The following LGSN variants were observed in gnomAD, a reference collection of about 807,000 sequenced individuals.
The protein encoded by LGSN is lengsin, lens protein with glutamine synthetase domain.
Under a neutral mutation model 19.5 loss-of-function variants are expected in LGSN, and 21 were observed. That is an observed-to-expected ratio of 1.07 (90% CI 0.76 to 1.55). LGSN has a LOEUF of 1.55. LGSN is among the 40% of genes most tolerant of loss of function. The pLI, the probability that LGSN is intolerant of heterozygous loss-of-function variation, is 0.00. For missense variants in LGSN, 673 were observed against 608.5 expected (o/e 1.11, Z -1.12); for synonymous variants, 257 against 215.6 (o/e 1.19, Z -1.68).
the LGSN span, among the ~76,000 whole-genome samples, chr6:63,500,931 T>C: frequency 5.9e-3 from 901 of 152,096 alleles, 5 homozygotes; most frequent in Non-Finnish European, 9.0e-3. Flanking sequence ...TTTTGCCATG[T>C]TGGCCAGGCT....
the LGSN span, among the ~76,000 whole-genome samples, chr6:63,475,003 G>C: frequency 3.3e-5 from 5 of 151,866 alleles, no homozygotes; most frequent in Admixed American, 3.3e-4. Context: ...ATTCCTACAA[G>C]TTTAATATGC....
At chr6:63,360,547 A>G in the LGSN span, among the ~76,000 whole-genome samples, 2 of 152,100 alleles carry the variant, frequency 1.3e-5, no homozygotes, top group African/African-American at 4.8e-5. Flanking sequence ...TGGTTATTCT[A>G]GTTAGCCATT....
At chr6:63,533,251 G>A in the LGSN span, among the ~76,000 whole-genome samples, 1,838 of 152,206 alleles carry the variant, frequency 0.012, 36 homozygotes, top group African/African-American at 0.041. Context: ...ATGTGGTGGC[G>A]CACACCTGTT....
the LGSN span, among the ~76,000 whole-genome samples, chr6:63,481,362 A>T: frequency 9.3e-6 from 1 of 107,216 alleles, no homozygotes; most frequent in African/African-American, 4.3e-5. Flanking sequence ...TTTTTTTTTG[A>T]GACGGGGTCT....
the LGSN span, among the ~76,000 whole-genome samples, chr6:63,341,517 C>A: frequency 2.0e-5 from 3 of 152,154 alleles, no homozygotes; most frequent in Non-Finnish European, 4.4e-5. Context: ...AGGAAGGTAG[C>A]TCCCAGGCTC....
chr6:63,549,509 G>A, the LGSN span: 3 of 720,230 alleles, frequency 4.2e-6, no homozygotes, highest in South Asian at 1.5e-5. Context: ...CTTTCGGCAG[G>A]AGGAGAGAGC....
chr6:63,321,313 T>C (rs1769074418), upstream of LGSN, among the ~76,000 whole-genome samples: 1 of 152,186 alleles, frequency 6.6e-6, no homozygotes, highest in Admixed American at 6.5e-5. Flanking sequence ...TGGAAAAAAA[T>C]GTTTTGTGAA....
In LGSN at chr6:63,294,203, G is replaced by C. The variant is rs796445721; in HGVS notation, c.163+710C>G. On this transcript the variant is annotated intron_variant, in intron 2 of 3. Coordinates refer to ENST00000370657, the MANE Select transcript of LGSN (RefSeq NM_016571.3). ...TATAAAAAATTAGCGTGGCATGGTG[G>C]CATGCCCTGTAAACCCAGCTACTCA... is the stretch of plus-strand genomic sequence containing the variant. 4.9e-4 allele frequency among the ~76,000 whole-genome samples: 75 copies of C among 151,972 alleles called. 1 individual carries two copies. The highest frequency in any genetic ancestry group is 1.8e-3 in the African/African-American group (74 of 41,478).
chr6:63,416,123 TG>T, the LGSN span, among the ~76,000 whole-genome samples: 17,065 of 150,460 alleles, frequency 0.11, 1,939 homozygotes, highest in African/African-American at 0.3. Context: ...CTTTTTTTTT[TG>T]CTTTTTTTTT....
At chr6:63,356,166 T>G in the LGSN span, among the ~76,000 whole-genome samples, 2 of 152,134 alleles carry the variant, frequency 1.3e-5, no homozygotes, top group Non-Finnish European at 2.9e-5. Flanking sequence ...AAGATCACAT[T>G]CTGAGATCCT....
At chr6:63,421,447 G>A in the LGSN span, among the ~76,000 whole-genome samples, 1 of 139,848 alleles carries the variant, frequency 7.2e-6, no homozygotes, top group Non-Finnish European at 1.6e-5. Flanking sequence ...TATTCAGTCG[G>A]GGCCAGGCAC....
Position 63,279,885 on chromosome 6 carries a change from A to T in LGSN, c.*136T>A. 2.5e-6 allele frequency: 2 copies of T among 800,790 alleles called. No homozygotes were observed. Among genetic ancestry groups the T allele is most frequent in the Non-Finnish European group, 4.0e-6 (2 of 499,714 alleles). 49.6% of individuals were successfully genotyped at this position (800,790 alleles called of 1,614,324 possible). ...ACTTCATCTGTCAAATATTCCATGG[A>T]CAAAAAAAAAAGTCAAAAGCATTCG... On this transcript the variant is annotated 3_prime_UTR_variant, in exon 4 of 4. Coordinates refer to ENST00000370657, the MANE Select transcript of LGSN (RefSeq NM_016571.3).
At chr6:63,393,350 T>C in the LGSN span, among the ~76,000 whole-genome samples, 1 of 151,988 alleles carries the variant, frequency 6.6e-6, no homozygotes, top group African/African-American at 2.4e-5. Context: ...CTAATTTTTT[T>C]GTATTTTTAG....
chr6:63,507,447 TATC>T, the LGSN span, among the ~76,000 whole-genome samples: 1 of 152,174 alleles, frequency 6.6e-6, no homozygotes, highest in Non-Finnish European at 1.5e-5. Context: ...GTTTCATTTA[TATC>T]ATAAGTCTAA....
chr6:63,323,797 C>T (rs1481754651), upstream of LGSN, among the ~76,000 whole-genome samples: 9 of 141,166 alleles, frequency 6.4e-5, no homozygotes, highest in African/African-American at 1.9e-4. Flanking sequence ...TTTTGAAACA[C>T]AGTCTGCTCT....
chr6:63,509,127 C>T, the LGSN span, among the ~76,000 whole-genome samples: 14 of 150,650 alleles, frequency 9.3e-5, no homozygotes, highest in East Asian at 5.9e-4. Context: ...TACACTGGCA[C>T]GATCTCAGCT....
the LGSN span, among the ~76,000 whole-genome samples, chr6:63,341,499 G>A: frequency 9.1e-4 from 138 of 152,250 alleles, no homozygotes; most frequent in Non-Finnish European, 1.7e-3. Flanking sequence ...GTCAGTAGCA[G>A]CAGCCCCAGG....
intron 1 of LGSN, among the ~76,000 whole-genome samples, chr6:63,296,525 G>T (rs1767982067): frequency 1.3e-5 from 2 of 151,266 alleles, no homozygotes; most frequent in African/African-American, 4.8e-5. Context: ...GTCTTTTAAA[G>T]AAGTATTGTT....
At chr6:63,510,722 G>A in the LGSN span, among the ~76,000 whole-genome samples, 17 of 137,366 alleles carry the variant, frequency 1.2e-4, 1 homozygote, top group Admixed American at 1.4e-3. Flanking sequence ...CACCCAGGCT[G>A]GAGTGCAGTG....
Sources: allele counts gnomAD v4.1 joint callset (sites outside exome capture counted in the v4.1 genomes callset), GRCh38; gene constraint gnomAD v4.1.1; transcripts MANE v1.5; gene names NCBI Gene and HGNC (gene_info 2026-07-23, HGNC 2026-07-21).